APP: variants seen among roughly 807,000 people sequenced by gnomAD.
The protein encoded by APP is amyloid beta precursor protein, also known as amyloid-beta precursor protein.
A neutral mutation model predicts 101.4 loss-of-function variants in APP; 31 were observed. The observed-to-expected ratio is 0.31, with a 90% CI of 0.23 to 0.41. The LOEUF is 0.41. APP is among the 10% of genes least tolerant of loss of function. The pLI is 1.00. For synonymous variants in APP, 366 were observed against 364.4 expected, an observed-to-expected ratio of 1.00 and a Z score of -0.05; for missense variants, 839 against 1,003.7, an observed-to-expected ratio of 0.84 and a Z score of 2.22.
intron 3 of APP, among the ~76,000 whole-genome samples, chr21:26,054,294 C>T (rs140112387): frequency 1.1e-3 from 165 of 152,090 alleles, no homozygotes; most frequent in East Asian, 4.1e-3. Flanking sequence ...ACTTCCATAA[C>T]GTAAGGATAG....
chr21:26,024,324 C>T (rs547372030), intron 5 of APP, among the ~76,000 whole-genome samples: 7 of 151,684 alleles, frequency 4.6e-5, no homozygotes, highest in African/African-American at 7.3e-5. Context: ...AAAAAAAAAG[C>T]GAGAGGGAGA....
intron 5 of APP, among the ~76,000 whole-genome samples, chr21:26,050,725 T>G (rs1439253718): frequency 6.6e-6 from 1 of 152,184 alleles, no homozygotes; most frequent in Non-Finnish European, 1.5e-5. Flanking sequence ...AACTCCCTGT[T>G]AGAACTACCA....
Position 25,977,096 on chromosome 21 carries a change from T to C in APP, c.1225-1068A>G, listed in dbSNP as rs149220367. Among the ~76,000 whole-genome samples, 370 of 152,328 alleles carry C rather than the reference T, an allele frequency of 2.4e-3. 1 individual carries two copies. Among genetic ancestry groups the C allele is most frequent in the African/African-American group, 8.5e-3 (354 of 41,564 alleles). On this transcript the variant is annotated intron_variant, in intron 9 of 17. Transcript: ENST00000346798. ...TTATAGCAACACAAACTGACTAAGATATCAGGTGAATGTGTTTTGTAGGAA... is the reference window on the plus strand; with the variant it reads ...TTATAGCAACACAAACTGACTAAGACATCAGGTGAATGTGTTTTGTAGGAA...
intron 3 of APP, among the ~76,000 whole-genome samples, chr21:26,057,125 A>G (rs2046073829): frequency 6.6e-6 from 1 of 152,218 alleles, no homozygotes; most frequent in African/African-American, 2.4e-5. Flanking sequence ...TTTGTTTTTA[A>G]AAACAAAGTT....
chr21:25,952,695 C>A (rs771787310), intron 13 of APP, among the ~76,000 whole-genome samples: 8 of 152,088 alleles, frequency 5.3e-5, no homozygotes, highest in Non-Finnish European at 1.0e-4. Flanking sequence ...ATTACCTATG[C>A]CACTTCAACT....
chr21:25,939,940 A>C (rs1446035804), intron 13 of APP, among the ~76,000 whole-genome samples: 2 of 152,158 alleles, frequency 1.3e-5, no homozygotes, highest in Non-Finnish European at 2.9e-5. Flanking sequence ...TTTTAATCAG[A>C]ATTATATAGG....
chr21:25,972,954 G>A (rs990208123), intron 11 of APP, among the ~76,000 whole-genome samples: 1 of 152,116 alleles, frequency 6.6e-6, no homozygotes. Flanking sequence ...AGTACTGTCT[G>A]TGGAGTGGTA....
chr21:26,159,325 C>A (rs751305851), intron 1 of APP, among the ~76,000 whole-genome samples: 2 of 152,174 alleles, frequency 1.3e-5, no homozygotes, highest in Non-Finnish European at 2.9e-5. Flanking sequence ...GTGATCCACC[C>A]GCCTTGGCCT....
chr21:25,945,877 T>C (rs1397989862), intron 13 of APP: 2 of 455,432 alleles, frequency 4.4e-6, no homozygotes, highest in Admixed American at 2.4e-5. Flanking sequence ...AAATGTGGTC[T>C]TGCCATGTTT....
At chr21:25,945,756 A>G (rs1343581676) in intron 13 of APP, 2 of 381,930 alleles carry the variant, frequency 5.2e-6, no homozygotes, top group Admixed American at 6.1e-5. Context: ...GGCGTGATCA[A>G]GGCTCACTGC....
chr21:25,936,094 T>A (rs910455088), intron 13 of APP, among the ~76,000 whole-genome samples: 2 of 152,148 alleles, frequency 1.3e-5, no homozygotes, highest in African/African-American at 4.8e-5. Flanking sequence ...CTACCCAAAG[T>A]ATGAATAAGC....
chr21:25,945,379 A>AATTTTT (rs1213400314), intron 13 of APP: 2 of 18,150 alleles, frequency 1.1e-4, no homozygotes, highest in African/African-American at 1.4e-4. Context: ...TGCAATCCGC[A>AATTTTT]CTTTTTTTTT....
At chr21:26,135,000 T>C (rs2146286759) in intron 1 of APP, among the ~76,000 whole-genome samples, 1 of 152,366 alleles carries the variant, frequency 6.6e-6, no homozygotes, top group Middle Eastern at 3.4e-3. Context: ...CCACTTGTCA[T>C]TTAAAATCAT....
chr21:26,049,280 T>C (rs1017357994), intron 5 of APP, among the ~76,000 whole-genome samples: 11 of 152,038 alleles, frequency 7.2e-5, no homozygotes, highest in Non-Finnish European at 1.3e-4. Flanking sequence ...AACAAAGGGA[T>C]AGAAGAAGGT....
At chr21:25,996,194 C>T (rs1051129956) in intron 8 of APP, among the ~76,000 whole-genome samples, 1 of 152,188 alleles carries the variant, frequency 6.6e-6, no homozygotes, top group African/African-American at 2.4e-5. Context: ...TAAGTAAGGC[C>T]TGCAGTGGCT....
intron 16 of APP, among the ~76,000 whole-genome samples, chr21:25,895,816 T>TA (rs2038005050): frequency 6.6e-6 from 1 of 152,244 alleles, no homozygotes; most frequent in Non-Finnish European, 1.5e-5. Context: ...TATACTAGTG[T>TA]GAGGTAATCA....
At chr21:25,929,276 AAT>A (rs1260593623) in intron 13 of APP, among the ~76,000 whole-genome samples, 1 of 152,198 alleles carries the variant, frequency 6.6e-6, no homozygotes, top group Non-Finnish European at 1.5e-5. Context: ...TTATTAATAA[AAT>A]ATAATGTTTT....
chr21:26,156,418 T>C (rs1012754227), intron 1 of APP, among the ~76,000 whole-genome samples: 2 of 152,342 alleles, frequency 1.3e-5, no homozygotes, highest in Admixed American at 1.3e-4. Flanking sequence ...TTAATAAGAT[T>C]CAGGTGAGTC....
rs77150527 is a variant in APP, at chr21:26,062,483, T to C, written c.356-9135A>G. On this transcript the variant is annotated intron_variant, in intron 3 of 17. Transcript: ENST00000346798. ...TTCGAGACCAGCCTGGCTAACATGG[T>C]GAAACCCCGTCTCTACTAAAAATAC... Among the ~76,000 whole-genome samples, 190 of 151,614 alleles carry C rather than the reference T, an allele frequency of 1.3e-3. 4 individuals are homozygous for C. In the East Asian group the frequency reaches 0.031, roughly 24 times the overall value.
Sources: allele counts gnomAD v4.1 joint callset (sites outside exome capture counted in the v4.1 genomes callset), GRCh38; gene constraint gnomAD v4.1.1; transcripts MANE v1.5; gene names NCBI Gene and HGNC (gene_info 2026-07-23, HGNC 2026-07-21).